Variants in HEATR5A observed in about 807,000 individuals in gnomAD.
HEATR5A encodes HEAT repeat containing 5A.
Under a neutral mutation model 218.8 loss-of-function variants are expected in HEATR5A, and 178 were observed. The observed-to-expected ratio is 0.81, with a 90% CI of 0.72 to 0.92. The LOEUF is 0.92. Among genes scored for constraint, HEATR5A ranks in the 40% least tolerant of loss-of-function variants. HEATR5A has a pLI of 0.00. For missense variants in HEATR5A, 2,420 were observed against 2,418.9 expected (o/e 1.00, Z -0.01); for synonymous variants, 864 against 871.6 (o/e 0.99, Z 0.15).
rs138042222 is a variant in HEATR5A, at chr14:31,367,503, T to C, written c.1962-3205A>G. On this transcript the variant is annotated intron_variant, in intron 13 of 35. Coordinates refer to ENST00000543095, the MANE Select transcript of HEATR5A (RefSeq NM_015473.4). ...TGACCTCTGTCTCCTCGTTTCAGAC[T>C]ATTCTCCTGCCTCCACCTCCTGAGT... 1.9e-3 allele frequency among the ~76,000 whole-genome samples: 281 copies of C among 151,324 alleles called. 1 individual carries two copies. The highest frequency in any genetic ancestry group is 5.8e-3 in the African/African-American group (239 of 41,254).
intron 33 of HEATR5A, 94 bp downstream of exon 33, chr14:31,302,201 G>A: frequency 1.1e-6 from 1 of 885,840 alleles, no homozygotes; most frequent in Non-Finnish European, 1.8e-6. Context: ...AGGTGATATG[G>A]CCAAATATGA....
chr14:31,327,918 G>A (rs79140358), intron 22 of HEATR5A, among the ~76,000 whole-genome samples: 2,720 of 152,238 alleles, frequency 0.018, 71 homozygotes, highest in African/African-American at 0.061. Flanking sequence ...ATGAAAGCAT[G>A]TAGATTTGAA....
chr14:31,320,171 G>C (rs1287155692), intron 25 of HEATR5A: 8 of 541,492 alleles, frequency 1.5e-5, no homozygotes, highest in Non-Finnish European at 2.8e-5. Flanking sequence ...CCCAGCACCA[G>C]GAATGGCGCG....
chr14:31,348,558 G>C (rs993436553), intron 18 of HEATR5A, among the ~76,000 whole-genome samples: 1 of 152,180 alleles, frequency 6.6e-6, no homozygotes, highest in Non-Finnish European at 1.5e-5. Flanking sequence ...ACTCCAACCT[G>C]GGTGACAGAG....
At chr14:31,400,803 T>C (rs1432214234) in intron 2 of HEATR5A, among the ~76,000 whole-genome samples, 1 of 151,716 alleles carries the variant, frequency 6.6e-6, no homozygotes, top group Non-Finnish European at 1.5e-5. Flanking sequence ...CTTTCTTCTT[T>C]TGTTTGAAAG....
At chr14:31,325,147 AT>A (rs1462955465) in intron 23 of HEATR5A, among the ~76,000 whole-genome samples, 1 of 152,192 alleles carries the variant, frequency 6.6e-6, no homozygotes, top group Non-Finnish European at 1.5e-5. Context: ...ACAGAATAAA[AT>A]TGTCTATGCA....
At chr14:31,376,782 T>C (rs1276641181) in intron 11 of HEATR5A, among the ~76,000 whole-genome samples, 1 of 152,076 alleles carries the variant, frequency 6.6e-6, no homozygotes, top group Non-Finnish European at 1.5e-5. Flanking sequence ...AGAGAAGACA[T>C]GTTTAAAATG....
intron 11 of HEATR5A, 95 bp from the exon 12 acceptor site, chr14:31,375,063 T>A: frequency 1.0e-6 from 1 of 1,002,966 alleles, no homozygotes; most frequent in Non-Finnish European, 1.4e-6. Context: ...CTAAACATTT[T>A]AATTCATTAT....
intron 27 of HEATR5A, 104 bp from the exon 28 acceptor site, chr14:31,313,294 T>C (rs1899814988): frequency 1.2e-6 from 1 of 824,280 alleles, no homozygotes; most frequent in South Asian, 1.7e-5. Context: ...TTGAGCATAC[T>C]GGACTTGAAA....
intron 21 of HEATR5A, among the ~76,000 whole-genome samples, chr14:31,339,474 A>G (rs1455483069): frequency 7.7e-6 from 1 of 130,444 alleles, no homozygotes; most frequent in Non-Finnish European, 1.7e-5. Context: ...AAAAAAAAAA[A>G]GAATGTACAA....
At chr14:31,303,342 A>T (rs2139133288) in intron 32 of HEATR5A, among the ~76,000 whole-genome samples, 1 of 152,314 alleles carries the variant, frequency 6.6e-6, no homozygotes, top group African/African-American at 2.4e-5. Context: ...CTGAGGCAGA[A>T]GAACTGCTTG....
At chr14:31,297,611 AG>A (rs1260741347) in intron 33 of HEATR5A, 1 of 152,246 alleles carries the variant, frequency 6.6e-6, no homozygotes, top group Non-Finnish European at 1.5e-5. Flanking sequence ...TAGCAGTGAA[AG>A]CAAAATTTTA....
chr14:31,391,867 A>G (rs941818576), intron 6 of HEATR5A, among the ~76,000 whole-genome samples: 2 of 152,212 alleles, frequency 1.3e-5, no homozygotes, highest in African/African-American at 4.8e-5. Context: ...AATAGTCTAT[A>G]CCATATAGCC....
At chr14:31,402,780 T>C (rs1226762242) in intron 2 of HEATR5A, 70 bp downstream of exon 2, 4 of 1,437,388 alleles carry the variant, frequency 2.8e-6, no homozygotes, top group East Asian at 2.5e-5. Context: ...TGGAAAAAAC[T>C]AGAAAAGCAA....
chr14:31,410,705 G>C (rs2031241652), intron 1 of HEATR5A, among the ~76,000 whole-genome samples: 1 of 152,176 alleles, frequency 6.6e-6, no homozygotes, highest in Non-Finnish European at 1.5e-5. Context: ...CTTTAACACA[G>C]TTAAAACTTG....
At chr14:31,330,138 T>A (rs1378562825) in intron 22 of HEATR5A, among the ~76,000 whole-genome samples, 1 of 152,252 alleles carries the variant, frequency 6.6e-6, no homozygotes, top group Non-Finnish European at 1.5e-5. Flanking sequence ...GCTTCACCCC[T>A]GCAGCAGACT....
chr14:31,369,549 T>C (rs757007592), intron 13 of HEATR5A, among the ~76,000 whole-genome samples: 7 of 130,838 alleles, frequency 5.4e-5, no homozygotes, highest in Admixed American at 9.4e-5. Flanking sequence ...AGGTGGAGAT[T>C]GCAGTGAGTG....
intron 30 of HEATR5A, 73 bp downstream of exon 30, chr14:31,307,820 T>C: frequency 1.3e-6 from 2 of 1,513,204 alleles, no homozygotes. Context: ...TTCTGTTAAC[T>C]ATAGAAACCT....
chr14:31,403,648 A>G (rs1202054176), intron 1 of HEATR5A, among the ~76,000 whole-genome samples: 1 of 152,244 alleles, frequency 6.6e-6, no homozygotes, highest in South Asian at 2.1e-4. Context: ...TTGTGAGAGC[A>G]AACTTTTTTA....
Sources: gnomAD v4.1 joint callset for allele counts (sites outside exome capture counted in the v4.1 genomes callset) on GRCh38, gnomAD v4.1.1 for gene constraint, MANE v1.5 for transcripts, NCBI Gene and HGNC (gene_info 2026-07-23, HGNC 2026-07-21) for gene names.